Variants in STIM1 observed in about 807,000 individuals in gnomAD.
STIM1 encodes stromal interaction molecule 1.
Under a neutral mutation model 74.7 loss-of-function variants are expected in STIM1, and 25 were observed. The ratio of observed to expected loss-of-function variants is 0.33; its 90% CI spans 0.24 to 0.47. The LOEUF (loss-of-function observed/expected upper bound fraction) is 0.47, where lower values mean the gene tolerates loss of function less well. STIM1 is among the 20% of genes least tolerant of loss of function. STIM1 has a pLI of 1.00. For synonymous variants in STIM1, 328 were observed against 348.8 expected, an observed-to-expected ratio of 0.94 and a Z score of 0.66; for missense variants, 728 against 920.8, an observed-to-expected ratio of 0.79 and a Z score of 2.71.
rs368391164 is a variant in STIM1, at chr11:4,059,333, C to T, written c.550C>T (p.Arg184Trp). The T allele has an allele frequency of 7.4e-6, 12 of 1,613,980 alleles. No individual in the cohort carries two copies. Among genetic ancestry groups the T allele is most frequent in the Admixed American group, 1.7e-5 (1 of 60,002 alleles). ...MTGTVLKMTD[R>W]SHRQKLQLKA... ...AGGGACTGTGCTGAAGATGACAGACCGGAGTCATCGGCAGAAGCTGCAGCT... is the reference window on the plus strand; with the variant it reads ...AGGGACTGTGCTGAAGATGACAGACTGGAGTCATCGGCAGAAGCTGCAGCT... Residue 184 changes from arginine (R) to tryptophan (W), a missense_variant, in exon 5 of 13, where the codon CGG becomes TGG. Physicochemically the swap from Arg to Trp is moderately radical, Grantham distance 101 (BLOSUM62 -3). This residue lies in a region of STIM1 where 132 missense variants were observed against 158.2 expected (regional missense o/e 0.83). Coordinates refer to ENST00000526596, the MANE Select transcript of STIM1 (RefSeq NM_001382567.1).
At chr11:3,881,486 T>C (rs955824702) in intron 1 of STIM1, among the ~76,000 whole-genome samples, 6 of 151,786 alleles carry the variant, frequency 4.0e-5, no homozygotes, top group Non-Finnish European at 5.9e-5. Context: ...TTCTCCTGCC[T>C]GAGCCTCCCG....
chr11:3,895,831 TTCTTTCTTTC>T (rs1457690556), intron 1 of STIM1, among the ~76,000 whole-genome samples: 1 of 121,506 alleles, frequency 8.2e-6, no homozygotes, highest in Admixed American at 8.9e-5. Context: ...TTTCTTTTCT[TTCTTTCTTTC>T]TCTTTCTTTC....
At chr11:3,871,282 T>A (rs2091086493) in intron 1 of STIM1, among the ~76,000 whole-genome samples, 1 of 152,184 alleles carries the variant, frequency 6.6e-6, no homozygotes, top group Non-Finnish European at 1.5e-5. Context: ...GAATTTAGGC[T>A]ATGCTTGGTG....
intron 1 of STIM1, among the ~76,000 whole-genome samples, chr11:3,963,731 GA>G (rs992375017): frequency 6.6e-6 from 1 of 152,220 alleles, no homozygotes; most frequent in African/African-American, 2.4e-5. Context: ...GTCTGGTGGG[GA>G]AGACACATTA....
chr11:3,894,383 G>T (rs1240990814), intron 1 of STIM1, among the ~76,000 whole-genome samples: 1 of 152,146 alleles, frequency 6.6e-6, no homozygotes, highest in African/African-American at 2.4e-5. Flanking sequence ...CTTCAGGCTT[G>T]GGGGCGGGAG....
rs549991115 is a variant in STIM1, at chr11:3,989,415, C to T, written c.270+21733C>T. ...ACAACCGCGCCGATCTCCTCTTGGG[C>T]TCTTCCTTGGCGGCCCCTTCCGCGG... On this transcript the variant is annotated intron_variant, in intron 2 of 12. Transcript: ENST00000526596. 3.3e-4 allele frequency: 243 copies of T among 742,832 alleles called. 1 individual carries two copies. The African/African-American group carries it at 4.0e-3, about 12-fold the overall frequency. The allele number at this position is 742,832 out of a possible 1,614,324, so 46.0% of individuals were successfully genotyped here.
chr11:3,942,994 A>G (rs750613839), intron 1 of STIM1, among the ~76,000 whole-genome samples: 3 of 152,220 alleles, frequency 2.0e-5, no homozygotes, highest in Non-Finnish European at 4.4e-5. Flanking sequence ...CAGACACCCC[A>G]GAAGGATGTT....
intron 10 of STIM1, among the ~76,000 whole-genome samples, chr11:4,084,044 C>T (rs1026782387): frequency 2.0e-5 from 3 of 152,130 alleles, no homozygotes; most frequent in Non-Finnish European, 4.4e-5. Flanking sequence ...TGGCTTTCCA[C>T]CTGGACTCTT....
Position 3,901,809 on chromosome 11 carries a change from A to G in STIM1, c.139+45400A>G, listed in dbSNP as rs927230651. Among the ~76,000 whole-genome samples, 3 of 152,094 alleles carry G rather than the reference A, an allele frequency of 2.0e-5. No homozygotes were observed. The South Asian group carries it at 6.2e-4, about 32-fold the overall frequency. On this transcript the variant is annotated intron_variant, in intron 1 of 12. Coordinates refer to ENST00000526596, the MANE Select transcript of STIM1 (RefSeq NM_001382567.1). ...CTCGCTCTGTTGCCCAGGCTGGAGT[A>G]CACTCCAGCAGTGCAGCCACAGCTC...
chr11:3,947,887 A>G (rs913677877), intron 1 of STIM1, among the ~76,000 whole-genome samples: 30 of 152,238 alleles, frequency 2.0e-4, no homozygotes, highest in African/African-American at 6.8e-4. Context: ...TACTGACTTT[A>G]CAAAGTTTCA....
In STIM1 at chr11:3,980,686, A is replaced by AC. The variant is rs1319797329; in HGVS notation, c.270+13004_270+13005insC. Among the ~76,000 whole-genome samples, 694 of 150,894 alleles carry AC rather than the reference A, an allele frequency of 4.6e-3. 2 individuals carry two copies. The highest frequency in any genetic ancestry group is 0.031 in the Middle Eastern group (9 of 294). ...ACAACAACAACAACAACAACAAAAAAAAACAAATAGAAACAAAAGGAAAAA... is the reference window on the plus strand; with the variant it reads ...ACAACAACAACAACAACAACAAAAAACAAACAAATAGAAACAAAAGGAAAAA... On this transcript the variant is annotated intron_variant, in intron 2 of 12. Coordinates refer to ENST00000526596, the MANE Select transcript of STIM1 (RefSeq NM_001382567.1).
intron 1 of STIM1, among the ~76,000 whole-genome samples, chr11:3,902,033 G>C (rs2092362758): frequency 6.6e-6 from 1 of 152,204 alleles, no homozygotes; most frequent in Admixed American, 6.5e-5. Context: ...CCCCCAAAGT[G>C]CTGGGATTAC....
chr11:3,868,503 G>A (rs1015548920), intron 1 of STIM1, among the ~76,000 whole-genome samples: 3 of 152,220 alleles, frequency 2.0e-5, no homozygotes, highest in Non-Finnish European at 4.4e-5. Flanking sequence ...GGTGTGGGGT[G>A]GGGTGGCGGG....
chr11:4,024,835 G>T (rs751036820), intron 3 of STIM1, among the ~76,000 whole-genome samples: 1 of 152,086 alleles, frequency 6.6e-6, no homozygotes, highest in Non-Finnish European at 1.5e-5. Context: ...TAGTGAAAGA[G>T]CATGTCTAAT....
At chr11:4,007,393 G>T (rs967756646) in intron 2 of STIM1, among the ~76,000 whole-genome samples, 1 of 152,146 alleles carries the variant, frequency 6.6e-6, no homozygotes, top group Non-Finnish European at 1.5e-5. Flanking sequence ...TCAGACTTTA[G>T]CTATTAGCTG....
At chr11:3,904,753 T>C (rs17193637) in intron 1 of STIM1, among the ~76,000 whole-genome samples, 4,379 of 152,214 alleles carry the variant, frequency 0.029, 78 homozygotes, top group South Asian at 0.048. Context: ...TGTGATGCTG[T>C]TAACACATGG....
intron 1 of STIM1, chr11:3,893,028 C>G: frequency 1.7e-6 from 1 of 599,230 alleles, no homozygotes; most frequent in Non-Finnish European, 2.9e-6. Context: ...CTTCGTCCTC[C>G]CAAAATGCTA....
chr11:4,013,690 C>CTTTTTTTTTTTTTTTTTT (rs1169600270), intron 2 of STIM1, among the ~76,000 whole-genome samples: 4 of 51,912 alleles, frequency 7.7e-5, no homozygotes, highest in East Asian at 1.1e-3. Context: ...TCATTGATTT[C>CTTTTTTTTTTTTTTTTTT]TTTTTTTTTT....
intron 1 of STIM1, among the ~76,000 whole-genome samples, chr11:3,958,113 C>A (rs1285905283): frequency 6.6e-6 from 1 of 152,222 alleles, no homozygotes; most frequent in East Asian, 1.9e-4. Context: ...ATCCGCCCAT[C>A]TCGGCCTCCC....
Sources: allele counts gnomAD v4.1 joint callset (sites outside exome capture counted in the v4.1 genomes callset), GRCh38; gene constraint gnomAD v4.1.1; regional missense constraint gnomAD v4.1.1; transcripts MANE v1.5; gene names NCBI Gene and HGNC (gene_info 2026-07-23, HGNC 2026-07-21).